The following TAF15 variants were observed in gnomAD, a reference collection of about 807,000 sequenced individuals.
The protein encoded by TAF15 is TATA-box binding protein associated factor 15, also known as TATA-binding protein-associated factor 2N.
A neutral mutation model predicts 102.5 loss-of-function variants in TAF15; 37 were observed. The ratio of observed to expected loss-of-function variants is 0.36; its 90% CI spans 0.28 to 0.47. The LOEUF (loss-of-function observed/expected upper bound fraction) is 0.47. TAF15 is among the 20% of genes least tolerant of loss of function. The pLI is 0.99. For synonymous variants in TAF15, 273 were observed against 259.2 expected (o/e 1.05, Z -0.51); for missense variants, 652 against 760.7 (o/e 0.86, Z 1.68).
At chr17:35,826,270 A>T (rs1237876678) in intron 7 of TAF15, among the ~76,000 whole-genome samples, 1 of 152,140 alleles carries the variant, frequency 6.6e-6, no homozygotes, top group Non-Finnish European at 1.5e-5. Flanking sequence ...TCGGGTGAGG[A>T]AGGGATCTGC....
At chr17:35,823,230 G>C (rs1292039093) in intron 6 of TAF15, among the ~76,000 whole-genome samples, 1 of 152,176 alleles carries the variant, frequency 6.6e-6, no homozygotes, top group Non-Finnish European at 1.5e-5. Flanking sequence ...GTAAGTGCTT[G>C]TTGAATAATT....
At chr17:35,840,208 T>C (rs912499049) in intron 11 of TAF15, among the ~76,000 whole-genome samples, 3 of 151,884 alleles carry the variant, frequency 2.0e-5, no homozygotes, top group Non-Finnish European at 4.4e-5. Context: ...TCAAGATTAT[T>C]GTACCTCCAT....
intron 9 of TAF15, among the ~76,000 whole-genome samples, chr17:35,835,789 T>C (rs1413756611): frequency 6.6e-6 from 1 of 152,248 alleles, no homozygotes; most frequent in African/African-American, 2.4e-5. Flanking sequence ...ATTAGAGTTC[T>C]CCAGAGAAAG....
rs2087533603 is a variant in TAF15 at position 35,840,730 on chromosome 17, G to T, written c.914-1637G>T. ...AATACAAAAATCAGCCAGGCGCGGT[G>T]GTGAGCACCTGTAATCCCAGCTACT... On this transcript the variant is annotated intron_variant, in intron 11 of 15. Transcript: ENST00000605844. Among the ~76,000 whole-genome samples, 4 of 152,124 alleles carry T rather than the reference G, an allele frequency of 2.6e-5. 1 individual carries two copies. In the South Asian group the frequency reaches 8.3e-4, roughly 32 times the overall value.
At chr17:35,832,831 G>A (rs2087423342) in intron 7 of TAF15, among the ~76,000 whole-genome samples, 1 of 152,084 alleles carries the variant, frequency 6.6e-6, no homozygotes, top group Non-Finnish European at 1.5e-5. Context: ...ATGTTCACAA[G>A]GACCACTGTC....
At chr17:35,845,106 A>G (rs908470388) in intron 15 of TAF15, 68 bp downstream of exon 15, 1 of 1,597,432 alleles carries the variant, frequency 6.3e-7, no homozygotes, top group Non-Finnish European at 8.6e-7. Flanking sequence ...TTTGAACCAC[A>G]TTTTAACAAT....
chr17:35,817,876 GAA>G (rs1305769854), intron 2 of TAF15, 121 bp downstream of exon 2: 1 of 875,986 alleles, frequency 1.1e-6, no homozygotes. Flanking sequence ...GTCACAGAGT[GAA>G]GAGAGTCAGT....
chr17:35,822,868 C>T (rs770304453), intron 6 of TAF15, 35 bp downstream of exon 6: 1 of 1,608,000 alleles, frequency 6.2e-7, no homozygotes, highest in South Asian at 1.1e-5. Flanking sequence ...TATTTTTCCC[C>T]CTCTCAGAAT....
At chr17:35,828,494 G>A (rs905740968) in intron 7 of TAF15, among the ~76,000 whole-genome samples, 2 of 152,142 alleles carry the variant, frequency 1.3e-5, no homozygotes, top group African/African-American at 4.8e-5. Context: ...AGCTACTTGT[G>A]AGGCTGAGGC....
chr17:35,842,576 C>A, intron 12 of TAF15, 117 bp downstream of exon 12: 1 of 790,740 alleles, frequency 1.3e-6, no homozygotes, highest in Non-Finnish European at 2.2e-6. Flanking sequence ...GGTCTTTTTC[C>A]CTCTATCTTA....
chr17:35,838,243 C>T (rs879473169), intron 10 of TAF15, among the ~76,000 whole-genome samples, 181 bp from the exon 11 acceptor site: 11 of 152,110 alleles, frequency 7.2e-5, no homozygotes, highest in Non-Finnish European at 1.2e-4. Context: ...GCTTGGTTTT[C>T]ACTTAGTGTA....
intron 12 of TAF15, among the ~76,000 whole-genome samples, chr17:35,843,814 C>T (rs2143830305): frequency 6.6e-6 from 1 of 152,282 alleles, no homozygotes; most frequent in East Asian, 1.9e-4. Flanking sequence ...AAGGGATACT[C>T]AACCTGTATT....
Position 35,810,193 on chromosome 17 carries a change from C to CTCTTCACCCTAATTTAGCTTCG in TAF15, c.7+627_7+628insAATTTAGCTTCGTCTTCACCCT, listed in dbSNP as rs541731180. 2 of 156,564 alleles carry CTCTTCACCCTAATTTAGCTTCG rather than the reference C, an allele frequency of 1.3e-5. 1 individual carries two copies. The highest frequency in any genetic ancestry group is 4.8e-5 in the African/African-American group (2 of 41,452). 9.7% of individuals were successfully genotyped at this position (156,564 alleles called of 1,614,324 possible). A position where few individuals can be genotyped will look rare whatever the true frequency, so the allele number is the denominator to read the frequency against. On this transcript the variant is annotated intron_variant, in intron 1 of 15. Transcript: ENST00000605844. The stretch of plus-strand genomic sequence containing the variant: ...GGTGTTTGCATAGTAATTTAGCTTC[C>CTCTTCACCCTAATTTAGCTTCG]TCTTCACCCTCCTGCCATTCGTCTT...
chr17:35,831,101 A>C (rs1173710907), intron 7 of TAF15, among the ~76,000 whole-genome samples: 1 of 152,220 alleles, frequency 6.6e-6, no homozygotes, highest in Non-Finnish European at 1.5e-5. Flanking sequence ...AAGGAAATGC[A>C]CAGTAAAGAT....
intron 1 of TAF15, among the ~76,000 whole-genome samples, chr17:35,814,656 T>C: frequency 6.6e-6 from 1 of 151,836 alleles, no homozygotes; most frequent in Non-Finnish European, 1.5e-5. Context: ...AGTTTGAAAC[T>C]AGCCTGGTCA....
intron 12 of TAF15, among the ~76,000 whole-genome samples, chr17:35,843,186 C>T (rs1598552013): frequency 1.3e-5 from 2 of 149,768 alleles, no homozygotes; most frequent in South Asian, 4.3e-4. Context: ...TACAATGGCG[C>T]GTTCTTGGCT....
intron 11 of TAF15, among the ~76,000 whole-genome samples, chr17:35,839,305 ATAAAG>A (rs1430108697): frequency 1.3e-5 from 2 of 150,344 alleles, no homozygotes; most frequent in Non-Finnish European, 3.0e-5. Context: ...CTATAAATAA[ATAAAG>A]TAAAATTTAG....
chr17:35,832,811 AC>A (rs2087423166), intron 7 of TAF15, among the ~76,000 whole-genome samples: 1 of 152,182 alleles, frequency 6.6e-6, no homozygotes, highest in Non-Finnish European at 1.5e-5. Context: ...TAGATTTCTT[AC>A]GTAAAGCCAT....
At chr17:35,839,435 G>A (rs1363208798) in intron 11 of TAF15, among the ~76,000 whole-genome samples, 2 of 125,278 alleles carry the variant, frequency 1.6e-5, no homozygotes, top group African/African-American at 6.2e-5. Flanking sequence ...GGGCTGGAGT[G>A]CAGTGGCGCA....
Sources: gnomAD v4.1 joint callset for allele counts (sites outside exome capture counted in the v4.1 genomes callset) on GRCh38, gnomAD v4.1.1 for gene constraint, MANE v1.5 for transcripts, NCBI Gene and HGNC (gene_info 2026-07-23, HGNC 2026-07-21) for gene names.